The following GSDMB variants were observed in gnomAD, a reference collection of about 807,000 sequenced individuals.
GSDMB encodes gasdermin-B.
Under a neutral mutation model 42.9 loss-of-function variants are expected in GSDMB, and 32 were observed. The ratio of observed to expected loss-of-function variants is 0.75; its 90% CI spans 0.56 to 1.00. GSDMB has a LOEUF of 1.00. GSDMB is among the 50% of genes least tolerant of loss of function. The pLI, the probability that GSDMB is intolerant of heterozygous loss-of-function variation, is 0.00. For missense variants in GSDMB, 468 were observed against 498.5 expected, an observed-to-expected ratio of 0.94 and a Z score of 0.58; for synonymous variants, 175 against 193.7, an observed-to-expected ratio of 0.90 and a Z score of 0.80.
chr17:39,913,166 T>G (rs1314736178), intron 2 of GSDMB, among the ~76,000 whole-genome samples: 3 of 151,856 alleles, frequency 2.0e-5, no homozygotes, highest in Admixed American at 1.3e-4. Context: ...AGAAAAGAAA[T>G]GAAGAAATTA....
intron 2 of GSDMB, among the ~76,000 whole-genome samples, chr17:39,916,580 G>A (rs1160865043): frequency 4.6e-5 from 7 of 151,958 alleles, no homozygotes; most frequent in South Asian, 4.2e-4. Flanking sequence ...GTGAGCCACC[G>A]CACCCATCCC....
At chr17:39,915,218 C>T (rs1327672592) in intron 2 of GSDMB, among the ~76,000 whole-genome samples, 3 of 152,170 alleles carry the variant, frequency 2.0e-5, no homozygotes, top group East Asian at 1.9e-4. Context: ...GTGATCCACC[C>T]GCCTCAGTCT....
intron 2 of GSDMB, among the ~76,000 whole-genome samples, chr17:39,914,382 G>A (rs1196827166): frequency 6.6e-6 from 1 of 152,172 alleles, no homozygotes; most frequent in Admixed American, 6.5e-5. Flanking sequence ...TCACAGCCAA[G>A]AGGAGCCTAA....
Position 39,917,321 on chromosome 17 carries a change from C to T in GSDMB, c.-5G>A. 1.3e-6 allele frequency: 2 copies of T among 1,580,874 alleles called. No individual in the cohort carries two copies. Among genetic ancestry groups the T allele is most frequent in the South Asian group, 1.1e-5 (1 of 90,436 alleles). ...TTCCTCAAATACGCTGAACATTGCG[C>T]CTGGACCAACTCAGAAACAGAAGCC... is the stretch of plus-strand genomic sequence containing the variant. On this transcript the variant is annotated 5_prime_UTR_variant, in exon 2 of 11. Transcript: ENST00000418519.
At chr17:39,915,395 T>C (rs8065520) in intron 2 of GSDMB, among the ~76,000 whole-genome samples, 11,065 of 152,286 alleles carry the variant, frequency 0.073, 1,261 homozygotes, top group African/African-American at 0.24. Flanking sequence ...GGATTTTCTT[T>C]TTAAGTTTGG....
intron 3 of GSDMB, among the ~76,000 whole-genome samples, chr17:39,911,946 A>C (rs931645715): frequency 2.6e-5 from 4 of 152,082 alleles, no homozygotes; most frequent in Admixed American, 2.0e-4. Flanking sequence ...AAAAAAAAAC[A>C]AAACAAAAAC....
chr17:39,911,089 G>A (rs1175154285), intron 3 of GSDMB, among the ~76,000 whole-genome samples: 7 of 152,100 alleles, frequency 4.6e-5, no homozygotes, highest in Admixed American at 2.0e-4. Flanking sequence ...ATCACCTGAG[G>A]TCAGGAGTTC....
chr17:39,908,936 T>C lies in GSDMB; in HGVS notation c.661+22A>G, dbSNP rs200907374. The C allele has an allele frequency of 1.4e-4, 212 of 1,475,740 alleles. No homozygotes were observed. The African/African-American group carries it at 2.7e-3, about 19-fold the overall frequency. 91.4% of individuals were successfully genotyped at this position (1,475,740 alleles called of 1,614,324 possible). A position where few individuals can be genotyped will look rare whatever the true frequency, so the allele number is the denominator to read the frequency against. On this transcript the variant is annotated intron_variant, in intron 5 of 10. Coordinates refer to ENST00000418519, the MANE Select transcript of GSDMB (RefSeq NM_001165958.2). ...GGTGTGTTTAGGGCCCCCCATCCTG[T>C]TCTCCATCTGCCTTTGCTTACTCAT...
At chr17:39,911,189 G>C (rs1488089637) in intron 3 of GSDMB, among the ~76,000 whole-genome samples, 2 of 151,932 alleles carry the variant, frequency 1.3e-5, no homozygotes, top group African/African-American at 4.8e-5. Flanking sequence ...TAGGCGTGGT[G>C]GCGGGCACCT....
intron 10 of GSDMB, 76 bp downstream of exon 10, chr17:39,905,350 T>C: frequency 1.0e-6 from 1 of 989,708 alleles, no homozygotes; most frequent in Non-Finnish European, 1.6e-6. Flanking sequence ...GGCTGTACCC[T>C]GGGACTTCTG....
At chr17:39,907,067 GT>G in intron 6 of GSDMB, 80 bp from the exon 7 acceptor site, 17 of 1,605,302 alleles carry the variant, frequency 1.1e-5, no homozygotes, top group Non-Finnish European at 1.4e-5. Context: ...AGTGATGGAA[GT>G]TTTTACTCTT....
At chr17:39,910,617 CCTCTT>C (rs2063589924) in intron 3 of GSDMB, among the ~76,000 whole-genome samples, 1 of 152,104 alleles carries the variant, frequency 6.6e-6, no homozygotes, top group Non-Finnish European at 1.5e-5. Context: ...CCCAAGACAC[CCTCTT>C]CTCTGACAAG....
chr17:39,904,738 T>C lies in GSDMB; in HGVS notation c.*74A>G, dbSNP rs937987104. ...AGAGGTCCCACTGGTGACAGGATGG[T>C]AGTGGCGATGGCAGTGAGGACAGAC... On this transcript the variant is annotated 3_prime_UTR_variant, in exon 11 of 11. Coordinates refer to ENST00000418519, the MANE Select transcript of GSDMB (RefSeq NM_001165958.2). 5.8e-6 allele frequency: 7 copies of C among 1,214,454 alleles called. No homozygotes were observed. The highest frequency in any genetic ancestry group is 7.2e-6 in the Non-Finnish European group (6 of 838,552). The allele number at this position is 1,214,454 out of a possible 1,614,324, so 75.2% of individuals were successfully genotyped here.
In GSDMB at chr17:39,909,647, A is replaced by G. The variant is rs373505907; in HGVS notation, c.576+109T>C. ...TTGGGGCAAGGTGGCCAAGAGCAGC[A>G]GGGCTGCTCGGAGAGGAGTGAAGGA... is the stretch of plus-strand genomic sequence containing the variant. On this transcript the variant is annotated intron_variant, in intron 4 of 10. Coordinates refer to ENST00000418519, the MANE Select transcript of GSDMB (RefSeq NM_001165958.2). The G allele has an allele frequency of 1.6e-5, 15 of 966,028 alleles. No individual in the cohort carries two copies. In the African/African-American group the frequency reaches 2.0e-4, roughly 13 times the overall value. 59.8% of individuals were successfully genotyped at this position (966,028 alleles called of 1,614,324 possible). A position where few individuals can be genotyped will look rare whatever the true frequency, so the allele number is the denominator to read the frequency against.
At position 39,912,320 on chromosome 17, in the gene GSDMB, C is replaced by T; in HGVS notation, c.407+6G>A. The T allele has an allele frequency of 1.2e-6, 2 of 1,612,310 alleles. No individual in the cohort carries two copies. The highest frequency in any genetic ancestry group is 1.7e-6 in the Non-Finnish European group (2 of 1,178,742). On this transcript the variant is annotated splice_donor_region_variant and intron_variant, in intron 3 of 10. Coordinates refer to ENST00000418519, the MANE Select transcript of GSDMB (RefSeq NM_001165958.2). ...CTCCTTCCCTGCTGCCCAACTCCAA[C>T]CTCACCTGTTTTCAAGGGTAGCCAG...
chr17:39,909,522 CTCA>C, intron 4 of GSDMB: 1 of 498,610 alleles, frequency 2.0e-6, no homozygotes, highest in Non-Finnish European at 3.6e-6. Context: ...CATGCAAGAC[CTCA>C]TCTCTATTTA....
intron 2 of GSDMB, among the ~76,000 whole-genome samples, 159 bp downstream of exon 2, chr17:39,916,923 C>G (rs1445976187): frequency 1.3e-5 from 2 of 152,228 alleles, no homozygotes; most frequent in East Asian, 3.8e-4. Flanking sequence ...TCCCACCATG[C>G]AGCTCTTCCG....
intron 3 of GSDMB, among the ~76,000 whole-genome samples, chr17:39,911,971 A>C (rs73307942): frequency 0.018 from 2,707 of 152,144 alleles, 97 homozygotes; most frequent in African/African-American, 0.061. Flanking sequence ...CAAAAAAAAA[A>C]CAACCAGGTT....
chr17:39,908,101 C>A (rs1413443226), intron 6 of GSDMB, 75 bp downstream of exon 6: 2 of 876,900 alleles, frequency 2.3e-6, no homozygotes, highest in Non-Finnish European at 3.8e-6. Context: ...CCTAACCACT[C>A]TGTAATTCCA....
Sources: allele counts gnomAD v4.1 joint callset (sites outside exome capture counted in the v4.1 genomes callset), GRCh38; gene constraint gnomAD v4.1.1; transcripts MANE v1.5; gene names NCBI Gene and HGNC (gene_info 2026-07-23, HGNC 2026-07-21).